The following DST variants were observed in gnomAD, a reference collection of about 807,000 sequenced individuals.
DST encodes the protein bullous pemphigoid antigen.
In DST, 253 loss-of-function variants were observed where a neutral mutation model predicts 875.2. That is an observed-to-expected ratio of 0.29 (90% confidence interval 0.26 to 0.32). The LOEUF (loss-of-function observed/expected upper bound fraction) is 0.32, where lower values mean the gene tolerates loss of function less well. Ranked by LOEUF, DST falls within the 10% of genes least tolerant of loss-of-function variation. DST has a pLI of 1.00. For missense variants in DST, 8,287 were observed against 9,111.6 expected, an observed-to-expected ratio of 0.91 and a Z score of 3.68; for synonymous variants, 3,124 against 3,197.1, an observed-to-expected ratio of 0.98 and a Z score of 0.77.
chr6:56,533,478 G>GT lies in DST; in HGVS notation c.16942-969dup, dbSNP rs1415983952. 2.0e-5 allele frequency among the ~76,000 whole-genome samples: 3 copies of GT among 152,196 alleles called. No homozygotes were observed. In the East Asian group the frequency reaches 5.8e-4, roughly 29 times the overall value. ...GAGATCAGGACCACCAAGGCAGAAG[G>GT]TAAGAGGAACTTGTTTAAAGAGAAG... On this transcript the variant is annotated intron_variant, in intron 63 of 103. Transcript: ENST00000680361.
At chr6:56,791,750 T>TA (rs1460396071) in intron 4 of DST, among the ~76,000 whole-genome samples, 2 of 141,534 alleles carry the variant, frequency 1.4e-5, no homozygotes, top group African/African-American at 5.4e-5. Context: ...ATCACACCAC[T>TA]ACACTGCAGT....
intron 2 of DST, among the ~76,000 whole-genome samples, chr6:56,947,657 T>C (rs2127806362): frequency 6.6e-6 from 1 of 152,370 alleles, no homozygotes; most frequent in Non-Finnish European, 1.5e-5. Context: ...GAATCATTTT[T>C]ATTATAGCTG....
chr6:56,483,859 A>G (rs540849035), intron 88 of DST: 1 of 152,270 alleles, frequency 6.6e-6, no homozygotes, highest in African/African-American at 2.4e-5. Flanking sequence ...CAACTCTAAC[A>G]GTTAAAATGA....
intron 49 of DST, among the ~76,000 whole-genome samples, chr6:56,589,264 C>T (rs2098224538): frequency 6.6e-6 from 1 of 152,166 alleles, no homozygotes; most frequent in South Asian, 2.1e-4. Flanking sequence ...GTCTTCTTCA[C>T]CTCTTCTTCT....
In DST at chr6:56,506,740, A is replaced by C; in HGVS notation, c.19289T>G (p.Ile6430Ser). 6.2e-7 allele frequency: 1 copy of C among 1,613,610 alleles called. No homozygotes were observed. The highest frequency in any genetic ancestry group is 2.2e-5 in the East Asian group (1 of 44,858). Reference protein sequence around the residue: ...DGLQEELDIVINLGSELIAAC... With the variant: ...DGLQEELDIVSNLGSELIAAC... The stretch of plus-strand genomic sequence containing the variant: ...CGCAATGAGTTCAGAACCTAGGTTA[A>C]TAACTATATCCAGCTCCTCCTGTAG... The change falls in exon 76 of 104, where the codon ATT becomes AGT. Residue 6430 changes from isoleucine to serine, a missense_variant. Ile to Ser is a moderately radical substitution (Grantham distance 142, BLOSUM62 -2). Transcript: ENST00000680361.
chr6:56,844,850 C>A (rs752424160), intron 4 of DST, among the ~76,000 whole-genome samples: 21 of 146,050 alleles, frequency 1.4e-4, no homozygotes, highest in African/African-American at 5.1e-4. Flanking sequence ...CCAGCCTGGG[C>A]GACAGAGCAA....
At chr6:56,485,193 C>T in intron 88 of DST, 119 bp downstream of exon 88, 1 of 1,120,348 alleles carries the variant, frequency 8.9e-7, no homozygotes, top group Non-Finnish European at 1.3e-6. Context: ...ACAATAAAGA[C>T]TGTTATGTAG....
intron 4 of DST, among the ~76,000 whole-genome samples, chr6:56,790,341 CAG>C (rs1011201595): frequency 2.6e-5 from 4 of 152,178 alleles, no homozygotes; most frequent in African/African-American, 7.2e-5. Flanking sequence ...CCCAGTGTCA[CAG>C]AGTTTGAATG....
At chr6:56,861,338 G>A (rs144563840) in intron 3 of DST, among the ~76,000 whole-genome samples, 1,566 of 152,298 alleles carry the variant, frequency 0.01, 24 homozygotes, top group African/African-American at 0.035. Context: ...GCTACCTTAA[G>A]CTGCACCCAA....
intron 2 of DST, among the ~76,000 whole-genome samples, chr6:56,947,427 T>G (rs191331493): frequency 2.6e-5 from 4 of 152,014 alleles, no homozygotes; most frequent in Admixed American, 2.0e-4. Flanking sequence ...ATTTTTGTAT[T>G]TTAGTAAAGA....
chr6:56,725,034 A>C (rs2099444296), intron 5 of DST, among the ~76,000 whole-genome samples: 1 of 152,224 alleles, frequency 6.6e-6, no homozygotes, highest in African/African-American at 2.4e-5. Context: ...ATTTCATGGA[A>C]TATAACCCAA....
At chr6:56,813,469 T>G (rs989691119) in intron 4 of DST, among the ~76,000 whole-genome samples, 2 of 152,150 alleles carry the variant, frequency 1.3e-5, no homozygotes, top group Non-Finnish European at 2.9e-5. Flanking sequence ...TTAATTCTTA[T>G]GCTATTTCTT....
chr6:56,751,078 T>C (rs897280353), intron 4 of DST, among the ~76,000 whole-genome samples: 12 of 152,110 alleles, frequency 7.9e-5, no homozygotes, highest in Non-Finnish European at 1.5e-4. Flanking sequence ...GGTTCTGGAA[T>C]CTAAAAAAAA....
chr6:56,915,007 C>CGGG lies in DST; in HGVS notation c.217-14389_217-14387dup, dbSNP rs528874093. Among the ~76,000 whole-genome samples the CGGG allele has an allele frequency of 2.0e-5, 3 of 152,334 alleles. No individual in the cohort carries two copies. In the East Asian group the frequency reaches 5.8e-4, roughly 29 times the overall value. On this transcript the variant is annotated intron_variant, in intron 2 of 103. Transcript: ENST00000680361. ...GCCAGAGCTCAGCTTCTCTCAGCAA[C>CGGG]GGGCCCACAGCCCCGGGCACAGACA...
rs186660006 is a variant in DST, at chr6:56,589,565, T to C, written c.12903+2617A>G. Among the ~76,000 whole-genome samples the C allele has an allele frequency of 1.3e-3, 199 of 152,334 alleles. 1 individual carries two copies. Among genetic ancestry groups the C allele is most frequent in the Non-Finnish European group, 1.8e-3 (122 of 68,030 alleles). ...ATTTGTACAATTCATAAAAGTTTCC[T>C]GACTTAACACCACCCCAAAGATTAG... On this transcript the variant is annotated intron_variant, in intron 49 of 103. Coordinates refer to ENST00000680361, the MANE Select transcript of DST (RefSeq NM_001374736.1).
intron 9 of DST, among the ~76,000 whole-genome samples, chr6:56,684,777 A>G (rs2099172831): frequency 6.6e-6 from 1 of 152,186 alleles, no homozygotes; most frequent in Admixed American, 6.5e-5. Flanking sequence ...TAGGTCATGA[A>G]AGGGAATCCC....
intron 75 of DST, among the ~76,000 whole-genome samples, chr6:56,507,169 T>C (rs1169097641): frequency 1.3e-5 from 2 of 152,188 alleles, no homozygotes; most frequent in Non-Finnish European, 2.9e-5. Flanking sequence ...CAAATTAATA[T>C]ATTTGTTAGT....
intron 87 of DST, 142 bp from the exon 88 acceptor site, chr6:56,485,613 T>C (rs1012892088): frequency 1.5e-5 from 13 of 843,020 alleles, no homozygotes; most frequent in Non-Finnish European, 2.3e-5. Flanking sequence ...TTCTTTGCTC[T>C]TCTTAGGAAA....
chr6:56,800,912 C>A (rs2099745910), intron 4 of DST, among the ~76,000 whole-genome samples: 2 of 150,720 alleles, frequency 1.3e-5, no homozygotes, highest in Non-Finnish European at 2.9e-5. Flanking sequence ...CCCAGGTACT[C>A]AGGAGGCTGA....
Sources: gnomAD v4.1 joint callset for allele counts (sites outside exome capture counted in the v4.1 genomes callset) on GRCh38, gnomAD v4.1.1 for gene constraint, MANE v1.5 for transcripts, NCBI Gene and HGNC (gene_info 2026-07-23, HGNC 2026-07-21) for gene names.